Variants in KCNG3 observed in about 807,000 individuals in gnomAD.
The protein encoded by KCNG3 is voltage-gated potassium channel regulatory subunit KCNG3.
Under a neutral mutation model 29.0 loss-of-function variants are expected in KCNG3, and 15 were observed. The ratio of observed to expected loss-of-function variants is 0.52; its 90% CI spans 0.35 to 0.80. KCNG3 has a LOEUF of 0.80. Ranked by LOEUF, KCNG3 falls within the 30% of genes least tolerant of loss-of-function variation. The probability of loss-of-function intolerance (pLI) is 0.01; values close to 1 mark genes in which losing one functional copy is unlikely to be tolerated. For synonymous variants in KCNG3, 322 were observed against 248.9 expected, an observed-to-expected ratio of 1.29 and a Z score of -2.76; for missense variants, 512 against 605.7, an observed-to-expected ratio of 0.85 and a Z score of 1.62.
At chr2:42,435,571 C>T in the KCNG3 span, among the ~76,000 whole-genome samples, 1 of 152,070 alleles carries the variant, frequency 6.6e-6, no homozygotes, top group African/African-American at 2.4e-5. Context: ...AATCCAACAA[C>T]TTTTTTAAAA....
At chr2:42,464,914 AC>A (rs1286080901) in intron 1 of KCNG3, among the ~76,000 whole-genome samples, 1 of 152,182 alleles carries the variant, frequency 6.6e-6, no homozygotes, top group Non-Finnish European at 1.5e-5. Context: ...TTTAAAAAAA[AC>A]AAACAAAAAA....
At chr2:42,470,762 G>T (rs1436816027) in intron 1 of KCNG3, among the ~76,000 whole-genome samples, 1 of 151,904 alleles carries the variant, frequency 6.6e-6, no homozygotes, top group Non-Finnish European at 1.5e-5. Context: ...TGTAGTCCCA[G>T]GTACTCAGGA....
chr2:42,410,784 TTTTCA>T, the KCNG3 span, among the ~76,000 whole-genome samples: 1 of 152,138 alleles, frequency 6.6e-6, no homozygotes, highest in African/African-American at 2.4e-5. Flanking sequence ...TTTCCTAAGC[TTTTCA>T]TTTGTCTTTT....
intron 1 of KCNG3, 29 bp downstream of exon 1, chr2:42,492,799 AGGACGGACG>A (rs1293488473): frequency 3.5e-6 from 5 of 1,424,766 alleles, no homozygotes; most frequent in East Asian, 2.7e-5. Context: ...CAGACGCGAC[AGGACGGACG>A]GGACGGGTAG....
chr2:42,391,090 T>C, the KCNG3 span, among the ~76,000 whole-genome samples: 2 of 152,200 alleles, frequency 1.3e-5, no homozygotes, highest in African/African-American at 4.8e-5. Context: ...CCCAGACAGC[T>C]CTGCCAGGAT....
chr2:42,478,382 G>A (rs964068478), intron 1 of KCNG3, among the ~76,000 whole-genome samples: 2 of 151,712 alleles, frequency 1.3e-5, no homozygotes, highest in South Asian at 2.1e-4. Context: ...AGTAGTGCAC[G>A]TCACCATGCC....
At chr2:42,414,803 A>G in the KCNG3 span, among the ~76,000 whole-genome samples, 23 of 152,134 alleles carry the variant, frequency 1.5e-4, no homozygotes, top group South Asian at 3.3e-3. Context: ...CCATCTTCCA[A>G]TTTACAAATT....
At chr2:42,451,239 G>T (rs1672745896) in intron 1 of KCNG3, among the ~76,000 whole-genome samples, 1 of 146,736 alleles carries the variant, frequency 6.8e-6, no homozygotes, top group African/African-American at 2.5e-5. Context: ...AGATTAAATG[G>T]TATATGTCAA....
the KCNG3 span, among the ~76,000 whole-genome samples, chr2:42,390,650 A>G: frequency 6.6e-6 from 1 of 152,212 alleles, no homozygotes; most frequent in Non-Finnish European, 1.5e-5. Context: ...CATTTTGATC[A>G]TGTGGACTTA....
intron 1 of KCNG3, among the ~76,000 whole-genome samples, chr2:42,448,886 G>T (rs922020986): frequency 2.0e-5 from 3 of 152,058 alleles, no homozygotes; most frequent in Admixed American, 6.6e-5. Flanking sequence ...GCTGAGGCAG[G>T]AGAATGGCAT....
chr2:42,448,383 ATTTTTTG>A (rs1558374429), intron 1 of KCNG3, among the ~76,000 whole-genome samples: 1 of 117,714 alleles, frequency 8.5e-6, no homozygotes, highest in Non-Finnish European at 1.8e-5. Flanking sequence ...TTATTTATTT[ATTTTTTG>A]TATGGCATGC....
chr2:42,487,005 A>C (rs1673740962), intron 1 of KCNG3, among the ~76,000 whole-genome samples: 1 of 151,682 alleles, frequency 6.6e-6, no homozygotes, highest in African/African-American at 2.4e-5. Context: ...AAAAATACAA[A>C]AATTAGCCGG....
chr2:42,417,370 G>T, the KCNG3 span, among the ~76,000 whole-genome samples: 2 of 152,142 alleles, frequency 1.3e-5, no homozygotes, highest in African/African-American at 4.8e-5. Flanking sequence ...ACCTGGGTTG[G>T]AGTGCAGCTG....
Position 42,493,681 on chromosome 2 carries a change from G to A in KCNG3, c.-180C>T, listed in dbSNP as rs1673984209. 2.4e-6 allele frequency: 1 copy of A among 424,684 alleles called. No homozygotes were observed. Among genetic ancestry groups the A allele is most frequent in the African/African-American group, 2.1e-5 (1 of 48,336 alleles). 26.3% of individuals were successfully genotyped at this position (424,684 alleles called of 1,614,324 possible). On this transcript the variant is annotated 5_prime_UTR_variant, in exon 1 of 2. Coordinates refer to ENST00000306078, the MANE Select transcript of KCNG3 (RefSeq NM_133329.6). ...GGGGTCCCTGGGCTCGAGTATCTCC[G>A]GCGCTGCTAGTAGCGCGCCCTCCGC...
intron 1 of KCNG3, among the ~76,000 whole-genome samples, chr2:42,464,665 C>T (rs1461965656): frequency 6.6e-6 from 1 of 152,182 alleles, no homozygotes; most frequent in Non-Finnish European, 1.5e-5. Context: ...TCTCACGCCT[C>T]TTGCCTTTGC....
chr2:42,441,977 T>G (rs1352814716), downstream of KCNG3: 3 of 151,884 alleles, frequency 2.0e-5, no homozygotes, highest in African/African-American at 7.3e-5. Context: ...CTTGGGAAGA[T>G]AGGACATATT....
the KCNG3 span, among the ~76,000 whole-genome samples, chr2:42,399,364 T>G: frequency 1.3e-5 from 2 of 152,154 alleles, no homozygotes; most frequent in African/African-American, 4.8e-5. Context: ...CGGCCTGTCC[T>G]TTTCTTTTTT....
chr2:42,471,364 T>C (rs1051750712), intron 1 of KCNG3, among the ~76,000 whole-genome samples: 5 of 152,088 alleles, frequency 3.3e-5, no homozygotes, highest in Non-Finnish European at 4.4e-5. Flanking sequence ...TGGATGAATC[T>C]TGATAATAAA....
At chr2:42,417,279 AT>A in the KCNG3 span, among the ~76,000 whole-genome samples, 2 of 152,150 alleles carry the variant, frequency 1.3e-5, no homozygotes, top group Admixed American at 6.5e-5. Flanking sequence ...CATTTAAAAA[AT>A]ATTTGCATTT....
Sources: gnomAD v4.1 joint callset for allele counts (sites outside exome capture counted in the v4.1 genomes callset) on GRCh38, gnomAD v4.1.1 for gene constraint, MANE v1.5 for transcripts, NCBI Gene and HGNC (gene_info 2026-07-23, HGNC 2026-07-21) for gene names.